ESR1: variants seen among roughly 807,000 people sequenced by gnomAD.
The protein encoded by ESR1 is estrogen receptor.
Under a neutral mutation model 52.7 loss-of-function variants are expected in ESR1, and 12 were observed. The ratio of observed to expected loss-of-function variants is 0.23; its 90% CI spans 0.15 to 0.37. The LOEUF is 0.37. Among genes scored for constraint, ESR1 ranks in the 10% least tolerant of loss-of-function variants. The pLI is 1.00. For synonymous variants in ESR1, 305 were observed against 316.8 expected, an observed-to-expected ratio of 0.96 and a Z score of 0.39; for missense variants, 584 against 779.7, an observed-to-expected ratio of 0.75 and a Z score of 2.99.
At chr6:151,851,929 A>G (rs1786823507) in intron 2 of ESR1, among the ~76,000 whole-genome samples, 1 of 152,226 alleles carries the variant, frequency 6.6e-6, no homozygotes, top group Non-Finnish European at 1.5e-5. Context: ...CTGATATTCA[A>G]CTAGCTTAGA....
At chr6:151,989,926 T>A (rs2040854692) in intron 4 of ESR1, among the ~76,000 whole-genome samples, 1 of 152,098 alleles carries the variant, frequency 6.6e-6, no homozygotes, top group South Asian at 2.1e-4. Context: ...ACATGCTTTC[T>A]GTCCTCCAAT....
chr6:151,793,389 C>T lies in ESR1; in HGVS notation c.-70-14454C>T, dbSNP rs570263886. On this transcript the variant is annotated intron_variant, in intron 2 of 2. Coordinates refer to the ESR1 transcript ENST00000404742. The stretch of plus-strand genomic sequence containing the variant: ...GGAAGACCTCCAGAAGGACCTGCCT[C>T]CTGCCTAATGCTGTTTTACAGGTAA... Among the ~76,000 whole-genome samples, 210 of 152,126 alleles carry T rather than the reference C, an allele frequency of 1.4e-3. 1 individual carries two copies. Among genetic ancestry groups the T allele is most frequent in the Admixed American group, 1.6e-3 (25 of 15,270 alleles).
chr6:151,868,406 G>T (rs1213824110), intron 2 of ESR1, among the ~76,000 whole-genome samples: 2 of 152,294 alleles, frequency 1.3e-5, no homozygotes, highest in Non-Finnish European at 2.9e-5. Flanking sequence ...GGGATTACAG[G>T]CGTCAGCCAC....
intron 6 of ESR1, among the ~76,000 whole-genome samples, chr6:152,113,574 TTGTGTGTGTG>T (rs149373494): frequency 6.7e-6 from 1 of 149,224 alleles, no homozygotes; most frequent in East Asian, 2.0e-4. Flanking sequence ...AGATCTCATA[TTGTGTGTGTG>T]TGTGTGTGTG....
chr6:151,909,102 A>C (rs1180483306), intron 3 of ESR1, among the ~76,000 whole-genome samples: 1 of 152,230 alleles, frequency 6.6e-6, no homozygotes, highest in African/African-American at 2.4e-5. Flanking sequence ...AGGGCAACCC[A>C]ATCTCTGTGA....
chr6:152,035,906 T>C (rs1052137872), intron 5 of ESR1, among the ~76,000 whole-genome samples: 1 of 152,134 alleles, frequency 6.6e-6, no homozygotes, highest in African/African-American at 2.4e-5. Context: ...AAAACAATAA[T>C]TCCAGATGAA....
At chr6:151,908,432 A>G (rs1282538445) in intron 3 of ESR1, among the ~76,000 whole-genome samples, 1 of 152,158 alleles carries the variant, frequency 6.6e-6, no homozygotes, top group Non-Finnish European at 1.5e-5. Flanking sequence ...ATTCAATGTC[A>G]TCATGATGAT....
chr6:151,825,960 G>A (rs1583496200), intron 1 of ESR1, among the ~76,000 whole-genome samples: 1 of 151,652 alleles, frequency 6.6e-6, no homozygotes, highest in African/African-American at 2.4e-5. Context: ...AGGGTTCTGG[G>A]TACTTAGGAA....
At chr6:151,665,332 G>C (rs1777781070) in intron 1 of ESR1, among the ~76,000 whole-genome samples, 1 of 152,158 alleles carries the variant, frequency 6.6e-6, no homozygotes, top group Non-Finnish European at 1.5e-5. Context: ...GATTTTTTAA[G>C]TGGTTTGTTT....
intron 3 of ESR1, among the ~76,000 whole-genome samples, chr6:151,932,964 A>G (rs2033871979): frequency 6.6e-6 from 1 of 151,694 alleles, no homozygotes; most frequent in Admixed American, 6.6e-5. Context: ...TATGAACTTT[A>G]AAGTAGTTTT....
intron 5 of ESR1, among the ~76,000 whole-genome samples, chr6:152,060,670 G>A (rs925470382): frequency 3.3e-5 from 5 of 152,078 alleles, no homozygotes; most frequent in African/African-American, 7.2e-5. Flanking sequence ...TAGATAAATC[G>A]TTTACCCAGA....
intron 2 of ESR1, among the ~76,000 whole-genome samples, chr6:151,730,195 C>G (rs941755547): frequency 3.3e-5 from 5 of 152,046 alleles, no homozygotes; most frequent in Non-Finnish European, 7.4e-5. Flanking sequence ...GCATCCTGGT[C>G]CTTAGCCCTG....
intron 6 of ESR1, among the ~76,000 whole-genome samples, chr6:152,109,944 G>T (rs1280293146): frequency 6.6e-6 from 1 of 152,164 alleles, no homozygotes; most frequent in Non-Finnish European, 1.5e-5. Flanking sequence ...AATGTTCTTT[G>T]ATTTTTCTTT....
intron 2 of ESR1, among the ~76,000 whole-genome samples, chr6:151,748,359 T>C (rs1783639811): frequency 6.6e-6 from 1 of 152,194 alleles, no homozygotes; most frequent in Non-Finnish European, 1.5e-5. Context: ...TACTATTTTG[T>C]ATCATTCTTT....
At chr6:151,928,359 G>C (rs77197783) in intron 3 of ESR1, among the ~76,000 whole-genome samples, 2,976 of 152,190 alleles carry the variant, frequency 0.02, 56 homozygotes, top group East Asian at 0.093. Flanking sequence ...GAGTATTGAT[G>C]GTTTACCCCG....
intron 1 of ESR1, among the ~76,000 whole-genome samples, chr6:151,695,469 G>A (rs1779266288): frequency 6.6e-6 from 1 of 152,138 alleles, no homozygotes; most frequent in Non-Finnish European, 1.5e-5. Context: ...AGTGCCACTG[G>A]CTTTTTGACA....
In ESR1 at chr6:151,835,758, G is replaced by A. The variant is rs546924102; in HGVS notation, c.453-6839G>A. ...TACAAAGAGACCAATGCTAGTTGGT[G>A]CAAGGAATTCAAGAATTTGGACTTA... On this transcript the variant is annotated intron_variant, in intron 1 of 7. Coordinates refer to ENST00000206249, the MANE Select transcript of ESR1 (RefSeq NM_000125.4). Among the ~76,000 whole-genome samples the A allele has an allele frequency of 1.1e-4, 17 of 151,958 alleles. No homozygotes were observed. In the East Asian group the frequency reaches 2.9e-3, roughly 26 times the overall value.
At chr6:151,924,835 G>GT (rs1057371994) in intron 3 of ESR1, among the ~76,000 whole-genome samples, 141 of 150,750 alleles carry the variant, frequency 9.4e-4, no homozygotes, top group Non-Finnish European at 1.6e-3. Context: ...GTACTACATT[G>GT]TTTTTTTTTA....
intron 5 of ESR1, among the ~76,000 whole-genome samples, chr6:152,026,297 T>C (rs2044142433): frequency 6.6e-6 from 1 of 152,090 alleles, no homozygotes; most frequent in Non-Finnish European, 1.5e-5. Context: ...TTGCTTTCTC[T>C]TTATTATGCC....
Sources: allele counts gnomAD v4.1 joint callset (sites outside exome capture counted in the v4.1 genomes callset), GRCh38; gene constraint gnomAD v4.1.1; transcripts MANE v1.5; gene names NCBI Gene and HGNC (gene_info 2026-07-23, HGNC 2026-07-21).